The following ZHX2 variants were observed in gnomAD, a reference collection of about 807,000 sequenced individuals.
ZHX2 encodes the protein zinc fingers and homeoboxes 2, also known as zinc fingers and homeoboxes protein 2.
In ZHX2, 6 loss-of-function variants were observed where a neutral mutation model predicts 21.9. The ratio of observed to expected loss-of-function variants is 0.27; its 90% confidence interval spans 0.15 to 0.54. ZHX2 has a LOEUF of 0.54. Ranked by LOEUF, ZHX2 falls within the 20% of genes least tolerant of loss-of-function variation. The pLI, the probability that ZHX2 is intolerant of heterozygous loss-of-function variation, is 0.95. For synonymous variants in ZHX2, 434 were observed against 437.1 expected, an observed-to-expected ratio of 0.99 and a Z score of 0.09; for missense variants, 908 against 1,090.7, an observed-to-expected ratio of 0.83 and a Z score of 2.36.
At chr8:122,881,780 G>A (rs1819718952) in intron 2 of ZHX2, among the ~76,000 whole-genome samples, 2 of 152,144 alleles carry the variant, frequency 1.3e-5, no homozygotes, top group African/African-American at 4.8e-5. Context: ...TACCCTTTCT[G>A]CTTTTCCAAG....
intron 3 of ZHX2, among the ~76,000 whole-genome samples, chr8:122,955,542 C>T (rs1813277806): frequency 6.6e-6 from 1 of 152,110 alleles, no homozygotes; most frequent in Admixed American, 6.5e-5. Context: ...TCTCTAGAAA[C>T]CTTGTTTTAG....
intron 2 of ZHX2, among the ~76,000 whole-genome samples, chr8:122,868,294 C>A (rs1819345848): frequency 6.6e-6 from 1 of 152,132 alleles, no homozygotes; most frequent in Non-Finnish European, 1.5e-5. Context: ...CAATGAAAAT[C>A]TTCTTTCATC....
At chr8:122,836,769 C>T (rs868506387) in intron 1 of ZHX2, among the ~76,000 whole-genome samples, 1 of 152,228 alleles carries the variant, frequency 6.6e-6, no homozygotes, top group Non-Finnish European at 1.5e-5. Context: ...ATTTTGCTGG[C>T]CCACACTGCT....
chr8:122,806,921 G>A (rs953272427), intron 1 of ZHX2, among the ~76,000 whole-genome samples: 5 of 152,196 alleles, frequency 3.3e-5, no homozygotes, highest in Non-Finnish European at 7.3e-5. Flanking sequence ...AGGGGAAGGG[G>A]AGTGGGGATA....
chr8:122,848,138 T>C (rs1818796931), intron 1 of ZHX2, among the ~76,000 whole-genome samples: 2 of 152,094 alleles, frequency 1.3e-5, no homozygotes, highest in Admixed American at 1.3e-4. Context: ...AATGAATGAG[T>C]GAGTATAGCG....
At chr8:122,838,522 G>A (rs1317495262) in intron 1 of ZHX2, among the ~76,000 whole-genome samples, 3 of 151,388 alleles carry the variant, frequency 2.0e-5, no homozygotes, top group Non-Finnish European at 2.9e-5. Context: ...GGTTAAATAC[G>A]TGGTAGAAAC....
intron 1 of ZHX2, among the ~76,000 whole-genome samples, chr8:122,818,539 T>C (rs1488563060): frequency 6.6e-6 from 1 of 152,092 alleles, no homozygotes; most frequent in African/African-American, 2.4e-5. Flanking sequence ...TGTCTGTGGC[T>C]AGCTTGAGGG....
chr8:122,960,259 C>T (rs1200780499), intron 3 of ZHX2, among the ~76,000 whole-genome samples: 1 of 152,088 alleles, frequency 6.6e-6, no homozygotes, highest in Admixed American at 6.5e-5. Flanking sequence ...GGTAATGGGG[C>T]CAGGCACAGT....
At chr8:122,884,691 C>T (rs1819798377) in intron 2 of ZHX2, among the ~76,000 whole-genome samples, 1 of 152,168 alleles carries the variant, frequency 6.6e-6, no homozygotes, top group African/African-American at 2.4e-5. Context: ...ATGGAGGAAA[C>T]TGGTAGAATC....
At chr8:122,929,619 G>C (rs1820934660) in intron 2 of ZHX2, among the ~76,000 whole-genome samples, 1 of 151,518 alleles carries the variant, frequency 6.6e-6, no homozygotes, top group African/African-American at 2.4e-5. Flanking sequence ...CTCCAGCCTG[G>C]GTGACAGCGA....
chr8:122,906,266 T>A (rs76772218), intron 2 of ZHX2, among the ~76,000 whole-genome samples: 2 of 152,342 alleles, frequency 1.3e-5, no homozygotes, highest in African/African-American at 4.8e-5. Flanking sequence ...CTAAAAGTAA[T>A]AGCTGATGTT....
intron 2 of ZHX2, among the ~76,000 whole-genome samples, chr8:122,935,185 A>G (rs1295245423): frequency 6.6e-6 from 1 of 150,996 alleles, no homozygotes; most frequent in African/African-American, 2.4e-5. Context: ...TGAAGCTCTT[A>G]TCTCATATTT....
At chr8:122,889,513 C>A (rs1021905984) in intron 2 of ZHX2, among the ~76,000 whole-genome samples, 2 of 152,314 alleles carry the variant, frequency 1.3e-5, no homozygotes, top group East Asian at 3.9e-4. Context: ...ACTTCTTGGC[C>A]ATATGAATAT....
Position 122,828,144 on chromosome 8 carries a change from G to A in ZHX2, c.-282-35333G>A, listed in dbSNP as rs569273378. Among the ~76,000 whole-genome samples, 3 of 152,156 alleles carry A rather than the reference G, an allele frequency of 2.0e-5. No homozygotes were observed. Among genetic ancestry groups the A allele is most frequent in the South Asian group, 4.2e-4 (2 of 4,812 alleles). On this transcript the variant is annotated intron_variant, in intron 1 of 3. Coordinates refer to ENST00000314393, the MANE Select transcript of ZHX2 (RefSeq NM_014943.5). This position sits in a 1 kb window ranked among gnomAD's most constrained non-coding sequence, Gnocchi z 5.2. Reference sequence around the variant, plus strand: ...ATAAATAAAAGAGAAAAGCTGGCTCGCAGGAGAGACCTAAGGGCACCTAGA... The same window carrying A: ...ATAAATAAAAGAGAAAAGCTGGCTCACAGGAGAGACCTAAGGGCACCTAGA...
chr8:122,799,242 A>G (rs534813672), intron 1 of ZHX2, among the ~76,000 whole-genome samples: 1 of 152,278 alleles, frequency 6.6e-6, no homozygotes, highest in East Asian at 1.9e-4. Flanking sequence ...GCCAAGCCTC[A>G]TCTCCCCACG....
Position 122,828,963 on chromosome 8 carries a change from A to G in ZHX2, c.-282-34514A>G, listed in dbSNP as rs935380427. On this transcript the variant is annotated intron_variant, in intron 1 of 3. Coordinates refer to ENST00000314393, the MANE Select transcript of ZHX2 (RefSeq NM_014943.5). This position sits in a 1 kb window ranked among gnomAD's most constrained non-coding sequence, Gnocchi z 5.2. ...TTTTTTTCAGTTATTAAAACACTACATTTCACCAAAAAGAAAACATTTACT... is the reference window on the plus strand; with the variant it reads ...TTTTTTTCAGTTATTAAAACACTACGTTTCACCAAAAAGAAAACATTTACT... Among the ~76,000 whole-genome samples the G allele has an allele frequency of 2.0e-5, 3 of 152,214 alleles. No homozygotes were observed. The highest frequency in any genetic ancestry group is 7.2e-5 in the African/African-American group (3 of 41,454).
At chr8:122,879,497 A>G (rs1586354465) in intron 2 of ZHX2, among the ~76,000 whole-genome samples, 1 of 137,352 alleles carries the variant, frequency 7.3e-6, no homozygotes, top group Admixed American at 6.9e-5. Flanking sequence ...GAGCCACTGC[A>G]CCGGGCTGGT....
intron 2 of ZHX2, among the ~76,000 whole-genome samples, chr8:122,923,869 A>G (rs1256457450): frequency 6.6e-6 from 1 of 152,218 alleles, no homozygotes; most frequent in African/African-American, 2.4e-5. Context: ...ATTCCTGTCG[A>G]TAACCACCAC....
chr8:122,906,815 C>G (rs986867443), intron 2 of ZHX2, among the ~76,000 whole-genome samples: 1 of 151,676 alleles, frequency 6.6e-6, no homozygotes, highest in Admixed American at 6.6e-5. Flanking sequence ...GGATTACAGG[C>G]GCACACCACC....
Sources: gnomAD v4.1 joint callset for allele counts (sites outside exome capture counted in the v4.1 genomes callset) on GRCh38, gnomAD v4.1.1 for gene constraint, Gnocchi (gnomAD v3.1) non-coding constraint, MANE v1.5 for transcripts, NCBI Gene and HGNC (gene_info 2026-07-23, HGNC 2026-07-21) for gene names.